SSBP3: variants seen among roughly 807,000 people sequenced by gnomAD.
The protein encoded by SSBP3 is single-stranded DNA-binding protein 3.
SSBP3 carries 5 observed loss-of-function variants against 69.6 expected under a neutral mutation model. The observed-to-expected ratio is 0.07, with a 90% CI of 0.04 to 0.15. SSBP3 has a LOEUF of 0.15. Ranked by LOEUF, SSBP3 falls within the 10% of genes least tolerant of loss-of-function variation. The pLI, the probability that SSBP3 is intolerant of heterozygous loss-of-function variation, is 1.00. For synonymous variants in SSBP3, 196 were observed against 193.4 expected, an observed-to-expected ratio of 1.01 and a Z score of -0.11; for missense variants, 312 against 534.0, an observed-to-expected ratio of 0.58 and a Z score of 4.10.
chr1:54,404,777 C>T, intron 2 of SSBP3, 81 bp downstream of exon 2: 2 of 1,142,884 alleles, frequency 1.7e-6, no homozygotes, highest in South Asian at 1.2e-5. Flanking sequence ...GCCACAGTGG[C>T]TGCTCCTGAA....
intron 4 of SSBP3, among the ~76,000 whole-genome samples, chr1:54,332,272 A>C (rs1321969472): frequency 6.6e-6 from 1 of 152,232 alleles, no homozygotes; most frequent in Admixed American, 6.5e-5. Flanking sequence ...AAGGACTCCC[A>C]CATGGCAGTC....
exon 8 of SSBP3, chr1:54,251,846 A>C: frequency 6.2e-7 from 1 of 1,611,734 alleles, no homozygotes; most frequent in South Asian, 1.1e-5. Context: ...GTGTCCCAGG[A>C]ACTCCTCCCG....
At chr1:54,278,354 G>T in intron 5 of SSBP3, among the ~76,000 whole-genome samples, 1 of 151,658 alleles carries the variant, frequency 6.6e-6, no homozygotes, top group East Asian at 1.9e-4. Context: ...GTGAGGTGTG[G>T]TCAGGTCAGT....
chr1:54,278,103 C>G (rs550298734), intron 5 of SSBP3, among the ~76,000 whole-genome samples: 1 of 152,158 alleles, frequency 6.6e-6, no homozygotes, highest in African/African-American at 2.4e-5. Context: ...AGCAAGTATG[C>G]GGCCAAGTCC....
At chr1:54,281,015 T>C (rs1645382049) in intron 5 of SSBP3, among the ~76,000 whole-genome samples, 1 of 152,146 alleles carries the variant, frequency 6.6e-6, no homozygotes, top group Non-Finnish European at 1.5e-5. Flanking sequence ...GGTTTGTCAT[T>C]TGGACAAGTA....
intron 4 of SSBP3, among the ~76,000 whole-genome samples, chr1:54,339,264 T>G (rs1414655136): frequency 6.6e-6 from 1 of 152,204 alleles, no homozygotes; most frequent in Non-Finnish European, 1.5e-5. Flanking sequence ...GAAAGCATAG[T>G]TAAGATTTTT....
chr1:54,237,995 T>A (rs1644528666), intron 14 of SSBP3: 1 of 381,554 alleles, frequency 2.6e-6, no homozygotes, highest in Non-Finnish European at 5.5e-6. Context: ...CTGTGTGGGT[T>A]TCATACTTTC....
intron 14 of SSBP3, among the ~76,000 whole-genome samples, chr1:54,234,877 C>T (rs1013539733): frequency 2.0e-5 from 3 of 152,084 alleles, no homozygotes; most frequent in African/African-American, 7.2e-5. Flanking sequence ...AATCCTCCCG[C>T]TTCAGCCTCC....
Position 54,227,176 on chromosome 1 carries a change from A to C in SSBP3, c.1138-16T>G. ...TTGGAGAATACTGGAAAGGAGAAGC[A>C]GAGAAGGGGGGGGGGTGAGGATTGT... On this transcript the variant is annotated splice_polypyrimidine_tract_variant and intron_variant, in intron 17 of 17. Transcript: ENST00000610401. 1.0e-5 allele frequency: 6 copies of C among 584,504 alleles called. No individual in the cohort carries two copies. Among genetic ancestry groups the C allele is most frequent in the Non-Finnish European group, 1.6e-5 (6 of 374,406 alleles). 36.2% of individuals were successfully genotyped at this position (584,504 alleles called of 1,614,324 possible).
chr1:54,291,999 C>A (rs940879791), intron 4 of SSBP3, among the ~76,000 whole-genome samples: 1 of 152,182 alleles, frequency 6.6e-6, no homozygotes, highest in Non-Finnish European at 1.5e-5. Context: ...GGGAGAGAGG[C>A]CCACACTGAC....
At chr1:54,271,273 G>C (rs765244512) in intron 5 of SSBP3, among the ~76,000 whole-genome samples, 1 of 151,918 alleles carries the variant, frequency 6.6e-6, no homozygotes, top group African/African-American at 2.4e-5. Flanking sequence ...ACAAAGTCTC[G>C]CTAATTTTTT....
chr1:54,276,608 C>CAAAAAAAAAAA (rs746933473), intron 5 of SSBP3, among the ~76,000 whole-genome samples: 10 of 35,212 alleles, frequency 2.8e-4, no homozygotes, highest in African/African-American at 1.3e-3. Context: ...GACTCTGTCT[C>CAAAAAAAAAAA]AAAAAAAAAA....
intron 4 of SSBP3, among the ~76,000 whole-genome samples, chr1:54,398,691 A>G (rs1018473220): frequency 9.2e-5 from 14 of 152,298 alleles, no homozygotes; most frequent in African/African-American, 3.1e-4. Flanking sequence ...GGGTAACAGC[A>G]AGGAAATTAC....
chr1:54,233,468 C>T (rs1218297680), intron 14 of SSBP3, among the ~76,000 whole-genome samples: 1 of 152,010 alleles, frequency 6.6e-6, no homozygotes, highest in Non-Finnish European at 1.5e-5. Context: ...GGCTGGCAGC[C>T]ACACCGTCTG....
intron 4 of SSBP3, among the ~76,000 whole-genome samples, chr1:54,354,543 G>A (rs764092904): frequency 4.6e-5 from 7 of 152,070 alleles, no homozygotes; most frequent in African/African-American, 1.2e-4. Flanking sequence ...CACATCTAAC[G>A]TGGGAGCAAG....
intron 14 of SSBP3, among the ~76,000 whole-genome samples, chr1:54,235,283 T>G (rs904865715): frequency 5.7e-5 from 4 of 70,500 alleles, no homozygotes; most frequent in East Asian, 6.1e-4. Flanking sequence ...GTTTTTTTTT[T>G]TTTTTTTTTT....
exon 10 of SSBP3, chr1:54,243,259 C>A: frequency 6.2e-7 from 1 of 1,609,262 alleles, no homozygotes; most frequent in Non-Finnish European, 8.5e-7. Flanking sequence ...CATGGCGGGG[C>A]CGAGGGAGTT....
chr1:54,258,254 G>A lies in SSBP3; in HGVS notation c.367-105C>T, dbSNP rs771616154. 9 of 888,396 alleles carry A rather than the reference G, an allele frequency of 1.0e-5. No homozygotes were observed. In the South Asian group the frequency reaches 2.3e-4, roughly 23 times the overall value. 55.0% of individuals were successfully genotyped at this position (888,396 alleles called of 1,614,324 possible). A position where few individuals can be genotyped will look rare whatever the true frequency, so the allele number is the denominator to read the frequency against. On this transcript the variant is annotated intron_variant, in intron 5 of 17. Coordinates refer to ENST00000610401, the Ensembl canonical transcript of SSBP3. This position sits in a 1 kb window ranked among gnomAD's most constrained non-coding sequence, Gnocchi z 4.5. ...TAAACCAAAACGAAGGGTGGGCGGC[G>A]GGCGTGCGGGGGGGTGGGCTCTGGT...
intron 4 of SSBP3, among the ~76,000 whole-genome samples, chr1:54,292,084 C>T (rs773687564): frequency 2.0e-5 from 3 of 152,254 alleles, no homozygotes; most frequent in South Asian, 4.1e-4. Flanking sequence ...TCTAGGAAGC[C>T]AAGGACAGAC....
Sources: allele counts gnomAD v4.1 joint callset (sites outside exome capture counted in the v4.1 genomes callset), GRCh38; gene constraint gnomAD v4.1.1; non-coding constraint Gnocchi (gnomAD v3.1); transcripts MANE v1.5; gene names NCBI Gene and HGNC (gene_info 2026-07-23, HGNC 2026-07-21).